Variants in RAB3B observed in about 807,000 individuals in gnomAD.
RAB3B encodes the protein ras-related protein Rab-3B.
A neutral mutation model predicts 20.5 loss-of-function variants in RAB3B; 11 were observed. The ratio of observed to expected loss-of-function variants is 0.54; its 90% CI spans 0.34 to 0.89. The LOEUF (loss-of-function observed/expected upper bound fraction) is 0.89, where lower values mean the gene tolerates loss of function less well. Ranked by LOEUF, RAB3B falls within the 40% of genes least tolerant of loss-of-function variation. RAB3B has a pLI of 0.02. For missense variants in RAB3B, 225 were observed against 280.9 expected (o/e 0.80, Z 1.42); for synonymous variants, 99 against 106.3 (o/e 0.93, Z 0.42).
At chr1:51,961,174 A>C (rs1347443764) in intron 2 of RAB3B, among the ~76,000 whole-genome samples, 1 of 151,990 alleles carries the variant, frequency 6.6e-6, no homozygotes, top group East Asian at 1.9e-4. Context: ...AGACCACTAC[A>C]TTCAGTGCCA....
intron 4 of RAB3B, among the ~76,000 whole-genome samples, chr1:51,922,743 C>T (rs1159347741): frequency 6.6e-6 from 1 of 151,802 alleles, no homozygotes; most frequent in Non-Finnish European, 1.5e-5. Flanking sequence ...GTCGCCCAGG[C>T]TGGAGTGCAG....
At chr1:51,939,718 G>C (rs933722703) in intron 2 of RAB3B, among the ~76,000 whole-genome samples, 3 of 152,330 alleles carry the variant, frequency 2.0e-5, no homozygotes, top group Admixed American at 1.3e-4. Context: ...GGGACCACAG[G>C]CATGTGCCAC....
At chr1:51,957,591 G>T (rs1036087477) in intron 2 of RAB3B, among the ~76,000 whole-genome samples, 1 of 152,250 alleles carries the variant, frequency 6.6e-6, no homozygotes, top group African/African-American at 2.4e-5. Context: ...TCTTGGTATT[G>T]TTGGGAGGAT....
chr1:51,974,136 C>T (rs534452390), intron 2 of RAB3B, among the ~76,000 whole-genome samples: 1 of 152,290 alleles, frequency 6.6e-6, no homozygotes, highest in African/African-American at 2.4e-5. Context: ...TCTTTCACAA[C>T]CTTGATCCAG....
chr1:51,929,446 G>C (rs1397283212), intron 4 of RAB3B, among the ~76,000 whole-genome samples: 1 of 151,966 alleles, frequency 6.6e-6, no homozygotes, highest in Non-Finnish European at 1.5e-5. Context: ...TCCTGCTTCA[G>C]CCTCCCGAGT....
At chr1:51,954,779 C>A (rs140175683) in intron 2 of RAB3B, among the ~76,000 whole-genome samples, 1,773 of 152,296 alleles carry the variant, frequency 0.012, 134 homozygotes, top group Admixed American at 0.11. Flanking sequence ...TCTCAGATGT[C>A]CACTTTTTCA....
At chr1:51,942,338 A>G (rs1242841973) in intron 2 of RAB3B, among the ~76,000 whole-genome samples, 1 of 152,174 alleles carries the variant, frequency 6.6e-6, no homozygotes, top group African/African-American at 2.4e-5. Flanking sequence ...ACTGAATCCC[A>G]ACTAATTAGA....
At chr1:51,980,561 T>C in intron 1 of RAB3B, 1 of 752,620 alleles carries the variant, frequency 1.3e-6, no homozygotes, top group Non-Finnish European at 2.4e-6. Flanking sequence ...GCCCAATGTG[T>C]GCCCAAGGAC....
intron 4 of RAB3B, among the ~76,000 whole-genome samples, chr1:51,929,271 T>A (rs1684290293): frequency 6.6e-6 from 1 of 152,004 alleles, no homozygotes; most frequent in South Asian, 2.1e-4. Context: ...AAATGGAGAG[T>A]GCAATTGAGC....
intron 2 of RAB3B, among the ~76,000 whole-genome samples, chr1:51,969,608 A>G (rs1468395477): frequency 9.4e-6 from 1 of 106,254 alleles, no homozygotes; most frequent in African/African-American, 2.7e-5. Flanking sequence ...CGCTTTAATG[A>G]GTAATAAGGC....
At chr1:51,984,298 G>A (rs1272904560) in intron 1 of RAB3B, among the ~76,000 whole-genome samples, 7 of 51,296 alleles carry the variant, frequency 1.4e-4, no homozygotes, top group African/African-American at 3.8e-4. Context: ...AAAAAAAAAA[G>A]CATGAACGAG....
At chr1:51,946,268 C>T (rs556929811) in intron 2 of RAB3B, among the ~76,000 whole-genome samples, 1 of 152,074 alleles carries the variant, frequency 6.6e-6, no homozygotes, top group Non-Finnish European at 1.5e-5. Context: ...TAAAGAAAAG[C>T]GAGGTTGGAA....
Position 51,914,177 on chromosome 1 carries a change from A to G in RAB3B, c.*5750T>C, listed in dbSNP as rs1684048994. ...TGAACTCCTAGCCAGGCAGTCTAAC[A>G]ATGTTTCACAGGTAGAGATATTCTT... On this transcript the variant is annotated 3_prime_UTR_variant, in exon 5 of 5. Transcript: ENST00000371655. 6.6e-6 allele frequency: 1 copy of G among 152,216 alleles called. No homozygotes were observed. Among genetic ancestry groups the G allele is most frequent in the South Asian group, 2.1e-4 (1 of 4,832 alleles). 9.4% of individuals were successfully genotyped at this position (152,216 alleles called of 1,614,324 possible). A position where few individuals can be genotyped will look rare whatever the true frequency, so the allele number is the denominator to read the frequency against.
chr1:51,988,281 G>A (rs751477985), intron 1 of RAB3B, among the ~76,000 whole-genome samples: 15 of 152,150 alleles, frequency 9.9e-5, no homozygotes, highest in Non-Finnish European at 1.0e-4. Context: ...AATTCAATCT[G>A]TCTTTAGACC....
At chr1:51,966,108 G>A (rs554477444) in intron 2 of RAB3B, among the ~76,000 whole-genome samples, 1 of 152,320 alleles carries the variant, frequency 6.6e-6, no homozygotes, top group Admixed American at 6.5e-5. Flanking sequence ...ACCAATCGCT[G>A]CAGAGCCTAG....
chr1:51,967,883 C>T (rs1011861594), intron 2 of RAB3B, among the ~76,000 whole-genome samples: 37 of 152,036 alleles, frequency 2.4e-4, no homozygotes, highest in Non-Finnish European at 2.4e-4. Flanking sequence ...TATATAATCC[C>T]TAAAATCTGT....
intron 3 of RAB3B, among the ~76,000 whole-genome samples, chr1:51,936,967 C>A (rs968296519): frequency 6.6e-6 from 1 of 152,110 alleles, no homozygotes; most frequent in South Asian, 2.1e-4. Flanking sequence ...GCACGTGCCA[C>A]CACGCCTGGC....
chr1:51,987,952 A>G (rs1045605704), intron 1 of RAB3B, among the ~76,000 whole-genome samples: 3 of 151,846 alleles, frequency 2.0e-5, no homozygotes, highest in Non-Finnish European at 4.4e-5. Flanking sequence ...ATCATAACTC[A>G]CTGTAGCTTC....
intron 2 of RAB3B, among the ~76,000 whole-genome samples, chr1:51,947,485 C>A (rs1183953928): frequency 9.9e-5 from 15 of 152,066 alleles, no homozygotes; most frequent in South Asian, 4.1e-4. Flanking sequence ...ATTCTTGATT[C>A]TCTTTAGCCC....
Sources: allele counts gnomAD v4.1 joint callset (sites outside exome capture counted in the v4.1 genomes callset), GRCh38; gene constraint gnomAD v4.1.1; transcripts MANE v1.5; gene names NCBI Gene and HGNC (gene_info 2026-07-23, HGNC 2026-07-21).